GPM6A: variants seen among roughly 807,000 people sequenced by gnomAD.
GPM6A encodes the protein glycoprotein M6A.
Under a neutral mutation model 32.1 loss-of-function variants are expected in GPM6A, and 7 were observed. The observed-to-expected ratio is 0.22, with a 90% CI of 0.12 to 0.41. GPM6A has a LOEUF of 0.41. GPM6A is among the 10% of genes least tolerant of loss of function. GPM6A has a pLI of 1.00. For missense variants in GPM6A, 235 were observed against 347.2 expected (o/e 0.68, Z 2.57); for synonymous variants, 130 against 123.4 (o/e 1.05, Z -0.35).
intron 1 of GPM6A, among the ~76,000 whole-genome samples, chr4:175,712,287 T>C (rs546029291): frequency 6.6e-6 from 1 of 152,212 alleles, no homozygotes; most frequent in Non-Finnish European, 1.5e-5. Flanking sequence ...CCTCCCTTCC[T>C]GTAGCTCTTA....
chr4:175,643,063 C>A (rs977299446), intron 4 of GPM6A, among the ~76,000 whole-genome samples: 1 of 152,102 alleles, frequency 6.6e-6, no homozygotes, highest in Non-Finnish European at 1.5e-5. Flanking sequence ...TCAGGAAATT[C>A]TGCTGCCTCT....
At chr4:175,899,425 A>T (rs1206015710) in intron 1 of GPM6A, among the ~76,000 whole-genome samples, 2 of 152,210 alleles carry the variant, frequency 1.3e-5, no homozygotes, top group Non-Finnish European at 2.9e-5. Context: ...AAATAAAACC[A>T]TTTAAAAATA....
At chr4:175,789,561 GA>G (rs1192295954) in intron 1 of GPM6A, among the ~76,000 whole-genome samples, 1 of 152,110 alleles carries the variant, frequency 6.6e-6, no homozygotes, top group Non-Finnish European at 1.5e-5. Flanking sequence ...TGAGGTATGA[GA>G]AATCAGGGAA....
chr4:175,834,089 C>G (rs1323330839), intron 1 of GPM6A, among the ~76,000 whole-genome samples: 1 of 152,078 alleles, frequency 6.6e-6, no homozygotes, highest in Non-Finnish European at 1.5e-5. Flanking sequence ...AAAGCAGAGG[C>G]AGCACTGCCA....
upstream of GPM6A, among the ~76,000 whole-genome samples, chr4:175,813,962 C>T (rs1303018439): frequency 1.3e-5 from 2 of 151,278 alleles, no homozygotes; most frequent in Non-Finnish European, 1.5e-5. Context: ...GAGAGAGCTG[C>T]TTGCTCAGTG....
intron 3 of GPM6A, among the ~76,000 whole-genome samples, chr4:175,661,017 A>T (rs1429669892): frequency 6.6e-6 from 1 of 152,198 alleles, no homozygotes. Flanking sequence ...TCAGATTTAC[A>T]TGCAAACCCT....
intron 1 of GPM6A, among the ~76,000 whole-genome samples, chr4:175,838,249 C>G (rs1224997002): frequency 1.3e-5 from 2 of 150,882 alleles, no homozygotes; most frequent in African/African-American, 4.9e-5. Context: ...GAGAATTTTA[C>G]CATTTAATTT....
At chr4:175,731,142 G>T (rs1731412990) in intron 1 of GPM6A, among the ~76,000 whole-genome samples, 1 of 151,986 alleles carries the variant, frequency 6.6e-6, no homozygotes, top group Non-Finnish European at 1.5e-5. Context: ...AGATACCACG[G>T]CACATCTTAG....
At chr4:175,777,196 A>G (rs1435165826) in intron 1 of GPM6A, among the ~76,000 whole-genome samples, 1 of 152,182 alleles carries the variant, frequency 6.6e-6, no homozygotes, top group Non-Finnish European at 1.5e-5. Context: ...TTTGAATCCC[A>G]GTTCTGGCAA....
Position 175,937,957 on chromosome 4 carries a change from C to T in GPM6A, c.-23+64352G>A, listed in dbSNP as rs75902705. ...GGCTAGTGAGGTGACTTTCTACCAC[C>T]CTATTTAATTCTAAAGTTGATAGTC... On this transcript the variant is annotated intron_variant, in intron 1 of 7. Transcript: ENST00000280187. Among the ~76,000 whole-genome samples the T allele has an allele frequency of 7.4e-3, 1,132 of 152,028 alleles. 7 individuals carry two copies. Among genetic ancestry groups the T allele is most frequent in the Non-Finnish European group, 0.013 (861 of 67,948 alleles).
chr4:175,816,399 A>T (rs1468652326), upstream of GPM6A, among the ~76,000 whole-genome samples: 1 of 152,122 alleles, frequency 6.6e-6, no homozygotes, highest in East Asian at 1.9e-4. Flanking sequence ...TTAACACTTC[A>T]TCTTGTCTTT....
At chr4:175,639,133 T>C (rs1740986750) in intron 6 of GPM6A, among the ~76,000 whole-genome samples, 1 of 152,096 alleles carries the variant, frequency 6.6e-6, no homozygotes, top group African/African-American at 2.4e-5. Flanking sequence ...AGTACTGACA[T>C]AGTTTTATTG....
At chr4:175,845,769 A>AGAGCTCT (rs941857077) in intron 1 of GPM6A, among the ~76,000 whole-genome samples, 3 of 152,120 alleles carry the variant, frequency 2.0e-5, no homozygotes, top group Admixed American at 6.6e-5. Flanking sequence ...TCATAATTCA[A>AGAGCTCT]GAGCTCTCCT....
intron 1 of GPM6A, among the ~76,000 whole-genome samples, chr4:175,785,533 T>C (rs1407106606): frequency 3.3e-5 from 5 of 152,216 alleles, no homozygotes; most frequent in Non-Finnish European, 7.3e-5. Flanking sequence ...GTTATAGTTA[T>C]TATTCTCATC....
At chr4:175,667,485 ATCCCGAATGGGAT>A (rs1177928204) in intron 3 of GPM6A, among the ~76,000 whole-genome samples, 9 of 152,200 alleles carry the variant, frequency 5.9e-5, no homozygotes, top group African/African-American at 2.2e-4. Context: ...GTAATATGGT[ATCCCGAATGGGAT>A]ACTGAAACAG....
intron 1 of GPM6A, among the ~76,000 whole-genome samples, chr4:175,950,141 C>G (rs1376059284): frequency 6.6e-6 from 1 of 152,070 alleles, no homozygotes; most frequent in Non-Finnish European, 1.5e-5. Flanking sequence ...TACACTTTGA[C>G]AAAGTTAATA....
At chr4:175,812,828 C>T (rs765136671), upstream of GPM6A, 254 of 985,342 alleles carry the variant, frequency 2.6e-4, 3 homozygotes, top group South Asian at 2.9e-3. Context: ...TGCAAAAAAA[C>T]TGTGTTTTCC....
At chr4:175,671,564 T>A (rs1485359415) in intron 3 of GPM6A, among the ~76,000 whole-genome samples, 2 of 144,940 alleles carry the variant, frequency 1.4e-5, no homozygotes, top group Admixed American at 7.0e-5. Flanking sequence ...AATCTTTCTT[T>A]TCCCCTCGAT....
chr4:175,734,567 TAA>T (rs111710260), intron 1 of GPM6A, among the ~76,000 whole-genome samples: 6 of 143,636 alleles, frequency 4.2e-5, no homozygotes, highest in East Asian at 2.2e-4. Flanking sequence ...CTTTACTTTT[TAA>T]AAAAAAAAAA....
Sources: gnomAD v4.1 joint callset for allele counts (sites outside exome capture counted in the v4.1 genomes callset) on GRCh38, gnomAD v4.1.1 for gene constraint, MANE v1.5 for transcripts, NCBI Gene and HGNC (gene_info 2026-07-23, HGNC 2026-07-21) for gene names.